Variants in DNAJC5 observed in about 807,000 individuals in gnomAD.
The protein encoded by DNAJC5 is DnaJ heat shock protein family (Hsp40) member C5, also known as dnaJ homolog subfamily C member 5.
DNAJC5 carries 1 observed loss-of-function variant against 23.2 expected under a neutral mutation model. That is an observed-to-expected ratio of 0.04 (90% confidence interval 0.02 to 0.20). The LOEUF (loss-of-function observed/expected upper bound fraction) is 0.20, where lower values mean the gene tolerates loss of function less well. DNAJC5 is among the 10% of genes least tolerant of loss of function. DNAJC5 has a pLI of 1.00. For synonymous variants in DNAJC5, 136 were observed against 120.0 expected (o/e 1.13, Z -0.87); for missense variants, 180 against 267.0 (o/e 0.67, Z 2.27).
Position 63,931,916 on chromosome 20 carries a change from C to T in DNAJC5, c.*348C>T, listed in dbSNP as rs943917538. 2.6e-6 allele frequency: 1 copy of T among 377,534 alleles called. No individual in the cohort carries two copies. 23.4% of individuals were successfully genotyped at this position (377,534 alleles called of 1,614,324 possible). A position where few individuals can be genotyped will look rare whatever the true frequency, so the allele number is the denominator to read the frequency against. On this transcript the variant is annotated 3_prime_UTR_variant, in exon 5 of 5. Coordinates refer to ENST00000360864, the MANE Select transcript of DNAJC5 (RefSeq NM_025219.3). The surrounding 1 kb of genome is among the most constrained non-coding windows in gnomAD (Gnocchi z 9.6). ...GTCAGGTTGGTCCAGTGAGGGGTGA[C>T]TGCAGCCGGTCAGGTGGGCGAGGAG...
chr20:63,931,938 G>T lies in DNAJC5; in HGVS notation c.*370G>T, dbSNP rs2053676336. 2.8e-6 allele frequency: 1 copy of T among 361,372 alleles called. No homozygotes were observed. The highest frequency in any genetic ancestry group is 5.4e-6 in the Non-Finnish European group (1 of 185,564). The allele number at this position is 361,372 out of a possible 1,614,324, so 22.4% of individuals were successfully genotyped here. ...TGACTGCAGCCGGTCAGGTGGGCGA[G>T]GAGAAGGGGGGCTGCCCCTTTCCTA... On this transcript the variant is annotated 3_prime_UTR_variant, in exon 5 of 5. Transcript: ENST00000360864. This position sits in a 1 kb window ranked among gnomAD's most constrained non-coding sequence, Gnocchi z 9.6.
At chr20:63,914,828 C>T (rs1459401121) in intron 1 of DNAJC5, among the ~76,000 whole-genome samples, 2 of 151,888 alleles carry the variant, frequency 1.3e-5, no homozygotes, top group Admixed American at 6.6e-5. Context: ...GTTGCCCAGG[C>T]TGGTCTCAAA....
At position 63,931,891 on chromosome 20, in the gene DNAJC5, G is replaced by A. The variant is rs1185319950; in HGVS notation, c.*323G>A. ...CGGTGGAGCTGCCTCAGGGCTGTCG[G>A]TCAGGTTGGTCCAGTGAGGGGTGAC... On this transcript the variant is annotated 3_prime_UTR_variant, in exon 5 of 5. Transcript: ENST00000360864. The surrounding 1 kb of genome is among the most constrained non-coding windows in gnomAD (Gnocchi z 9.6). The A allele has an allele frequency of 3.5e-5, 14 of 403,364 alleles. No homozygotes were observed. The highest frequency in any genetic ancestry group is 6.6e-5 in the Non-Finnish European group (14 of 211,334). The allele number at this position is 403,364 out of a possible 1,614,324, so 25.0% of individuals were successfully genotyped here. A position where few individuals can be genotyped will look rare whatever the true frequency, so the allele number is the denominator to read the frequency against.
At chr20:63,918,968 T>A (rs1356719048) in intron 1 of DNAJC5, among the ~76,000 whole-genome samples, 3 of 152,208 alleles carry the variant, frequency 2.0e-5, no homozygotes, top group African/African-American at 7.2e-5. Flanking sequence ...AAAAATAGAC[T>A]TCCTTTTAAG....
At chr20:63,930,250 C>A (rs2053656426) in intron 3 of DNAJC5, among the ~76,000 whole-genome samples, 1 of 152,188 alleles carries the variant, frequency 6.6e-6, no homozygotes, top group East Asian at 1.9e-4. Context: ...GAGATCCTGG[C>A]TCACTTTAAC....
chr20:63,916,728 C>T (rs2053517637), intron 1 of DNAJC5, among the ~76,000 whole-genome samples: 1 of 152,138 alleles, frequency 6.6e-6, no homozygotes, highest in Non-Finnish European at 1.5e-5. Context: ...TTATCTCAAC[C>T]ACATAAGACA....
intron 1 of DNAJC5, among the ~76,000 whole-genome samples, chr20:63,908,679 G>A (rs1412591735): frequency 6.6e-6 from 1 of 152,230 alleles, no homozygotes; most frequent in Non-Finnish European, 1.5e-5. Flanking sequence ...GTGCAGGCAC[G>A]TGCCTGTGGT....
chr20:63,926,572 A>G (rs2053617928), intron 1 of DNAJC5, among the ~76,000 whole-genome samples: 2 of 152,240 alleles, frequency 1.3e-5, no homozygotes, highest in Non-Finnish European at 2.9e-5. Flanking sequence ...GGCCCACGTC[A>G]TTATGGAGAC....
At chr20:63,925,613 G>C (rs983396413) in intron 1 of DNAJC5, among the ~76,000 whole-genome samples, 4 of 152,048 alleles carry the variant, frequency 2.6e-5, no homozygotes, top group Non-Finnish European at 5.9e-5. Flanking sequence ...TAGCTCAGCT[G>C]TCAGGCTTTA....
At chr20:63,914,014 C>T (rs553302914) in intron 1 of DNAJC5, among the ~76,000 whole-genome samples, 1 of 152,298 alleles carries the variant, frequency 6.6e-6, no homozygotes, top group South Asian at 2.1e-4. Context: ...GCCACCTGCC[C>T]AGCCACCATC....
intron 1 of DNAJC5, among the ~76,000 whole-genome samples, chr20:63,916,127 T>C (rs1025365659): frequency 1.3e-5 from 2 of 152,150 alleles, no homozygotes; most frequent in African/African-American, 4.8e-5. Flanking sequence ...TTTGTATTTT[T>C]AGTAGAGATG....
Position 63,928,529 on chromosome 20 carries a change from AAGAACCATTGC to A in DNAJC5, c.107+79_107+89del, listed in dbSNP as rs1442264487. On this transcript the variant is annotated intron_variant, in intron 2 of 4. Coordinates refer to ENST00000360864, the MANE Select transcript of DNAJC5 (RefSeq NM_025219.3). This position sits in a 1 kb window ranked among gnomAD's most constrained non-coding sequence, Gnocchi z 4.6. Reference sequence around the variant, plus strand: ...CGTGTGGTTTAGTCTGCATTTTACCAAGAACCATTGCACATACTTTATCCTGGCCGACTCAG... The same window carrying A: ...CGTGTGGTTTAGTCTGCATTTTACCAACATACTTTATCCTGGCCGACTCAG... 1.1e-5 allele frequency: 14 copies of A among 1,234,866 alleles called. No individual in the cohort carries two copies. In the African/African-American group the frequency reaches 1.5e-4, roughly 13 times the overall value. The allele number at this position is 1,234,866 out of a possible 1,614,324, so 76.5% of individuals were successfully genotyped here.
chr20:63,917,305 G>T (rs1467191391), intron 1 of DNAJC5, among the ~76,000 whole-genome samples: 1 of 118 alleles, frequency 8.5e-3, no homozygotes, highest in Non-Finnish European at 0.015. Context: ...GCCCAGGCTG[G>T]AATACATGGT....
chr20:63,909,483 A>C (rs1050031174), intron 1 of DNAJC5, among the ~76,000 whole-genome samples: 2 of 152,168 alleles, frequency 1.3e-5, no homozygotes, highest in Non-Finnish European at 2.9e-5. Flanking sequence ...AGCCTGGGCG[A>C]CAGAGCGAGA....
intron 1 of DNAJC5, among the ~76,000 whole-genome samples, chr20:63,923,874 C>G (rs948337958): frequency 3.9e-5 from 6 of 152,208 alleles, no homozygotes; most frequent in African/African-American, 1.2e-4. Context: ...TGAGCCAGAA[C>G]GACCTGGCCG....
At chr20:63,918,890 G>A (rs546766985) in intron 1 of DNAJC5, among the ~76,000 whole-genome samples, 2 of 152,292 alleles carry the variant, frequency 1.3e-5, no homozygotes, top group South Asian at 4.1e-4. Flanking sequence ...CACCACGCCC[G>A]GCTGATATGT....
intron 1 of DNAJC5, among the ~76,000 whole-genome samples, chr20:63,924,907 G>A (rs1487723438): frequency 1.3e-5 from 2 of 152,264 alleles, no homozygotes; most frequent in East Asian, 1.9e-4. Flanking sequence ...GTTATAGCTT[G>A]TACTGTGTTC....
At chr20:63,896,858 G>A (rs373588801) in intron 1 of DNAJC5, among the ~76,000 whole-genome samples, 2 of 152,204 alleles carry the variant, frequency 1.3e-5, no homozygotes, top group African/African-American at 4.8e-5. Flanking sequence ...AACGTGAGGA[G>A]CTTAGCAGCA....
In DNAJC5 at chr20:63,928,403, C is replaced by T. The variant is rs796052409; in HGVS notation, c.58C>T (p.Leu20Phe). The T allele has an allele frequency of 6.2e-7, 1 of 1,613,976 alleles. No individual in the cohort carries two copies. Among genetic ancestry groups the T allele is most frequent in the Admixed American group, 1.7e-5 (1 of 59,996 alleles). The change falls in exon 2 of 5, where the codon CTT (leucine) becomes TTT (phenylalanine). Residue 20 changes from leucine to phenylalanine, a missense_variant. Physicochemically the swap from Leu to Phe is conservative, Grantham distance 22. This residue lies in a region of DNAJC5 where 77 missense variants were observed against 106.8 expected (regional missense o/e 0.72). Transcript: ENST00000360864. This position sits in a 1 kb window ranked among gnomAD's most constrained non-coding sequence, Gnocchi z 4.6. ...STSGESLYHVLGLDKNATSDD... is the reference protein window; with the variant it reads ...STSGESLYHVFGLDKNATSDD... ...CTCTGGGGAGTCATTGTACCACGTC[C>T]TTGGGTTGGACAAGAACGCAACCTC...
Sources: gnomAD v4.1 joint callset for allele counts (sites outside exome capture counted in the v4.1 genomes callset) on GRCh38, gnomAD v4.1.1 for gene constraint, gnomAD v4.1.1 regional missense constraint, Gnocchi (gnomAD v3.1) non-coding constraint, MANE v1.5 for transcripts, NCBI Gene and HGNC (gene_info 2026-07-23, HGNC 2026-07-21) for gene names.